Variants in KIFC2 observed in about 807,000 individuals in gnomAD.
KIFC2 encodes kinesin-like protein KIFC2.
In KIFC2, 94 loss-of-function variants were observed where a neutral mutation model predicts 91.5. The observed-to-expected ratio is 1.03, with a 90% confidence interval of 0.87 to 1.22. KIFC2 has a LOEUF of 1.22. KIFC2 is among the 50% of genes most tolerant of loss of function. KIFC2 has a pLI of 0.00. For missense variants in KIFC2, 1,357 were observed against 1,103.3 expected (o/e 1.23, Z -3.26); for synonymous variants, 729 against 503.9 (o/e 1.45, Z -5.98).
Position 144,472,001 on chromosome 8 carries a change from C to T in KIFC2, c.1440C>T (p.Ile480=), listed in dbSNP as rs777089168. ...LSCLRGYSVC[I]FTYGQTGTGK... The stretch of plus-strand genomic sequence containing the variant: ...GCCTCCGAGGCTACAGCGTCTGCAT[C>T]TTCACCTATGGCCAGACAGGCACCG... The change falls in exon 13 of 18, where the codon ATC becomes ATT. Residue 480 remains isoleucine, a synonymous_variant. Transcript: ENST00000645548. 5.0e-6 allele frequency: 8 copies of T among 1,613,468 alleles called. 1 individual carries two copies. In the South Asian group the frequency reaches 8.8e-5, roughly 18 times the overall value.
rs752422159 is a variant in KIFC2, at chr8:144,469,388, G to A, written c.1222+9G>A. On this transcript the variant is annotated intron_variant, in intron 11 of 17. Coordinates refer to ENST00000645548, the MANE Select transcript of KIFC2 (RefSeq NM_001369769.2). ...GCTGCCAGAACTCAAGGGTATGACA[G>A]GCTTGGGAGCCTAGCGGGGCAGGGA... The A allele has an allele frequency of 8.7e-6, 14 of 1,611,914 alleles. No homozygotes were observed. In the African/African-American group the frequency reaches 9.3e-5, roughly 11 times the overall value.
At chr8:144,469,692 C>G (rs1014993871) in intron 12 of KIFC2, 45 bp downstream of exon 12, 1 of 1,534,824 alleles carries the variant, frequency 6.5e-7, no homozygotes. Context: ...TTTCAGAGTT[C>G]CCTGAAGAGC....
At chr8:144,468,215 G>A in intron 7 of KIFC2, 114 bp from the exon 8 acceptor site, 1 of 1,091,978 alleles carries the variant, frequency 9.2e-7, no homozygotes, top group Admixed American at 2.2e-5. Context: ...GTGGAGCTGG[G>A]AGGCATGGGT....
chr8:144,471,871 C>G, intron 12 of KIFC2, 71 bp from the exon 13 acceptor site: 1 of 1,404,008 alleles, frequency 7.1e-7, no homozygotes, highest in Non-Finnish European at 1.0e-6. Flanking sequence ...GTGGCACTCC[C>G]CACCCCACCA....
chr8:144,469,386 C>A lies in KIFC2; in HGVS notation c.1222+7C>A, dbSNP rs765009721. The A allele has an allele frequency of 6.2e-7, 1 of 1,611,552 alleles. No individual in the cohort carries two copies. Among genetic ancestry groups the A allele is most frequent in the Non-Finnish European group, 8.5e-7 (1 of 1,179,212 alleles). On this transcript the variant is annotated splice_region_variant and intron_variant, in intron 11 of 17. Transcript: ENST00000645548. ...CGGCTGCCAGAACTCAAGGGTATGA[C>A]AGGCTTGGGAGCCTAGCGGGGCAGG...
chr8:144,468,708 CA>C lies in KIFC2; in HGVS notation c.1004-16del. On this transcript the variant is annotated splice_polypyrimidine_tract_variant and intron_variant, in intron 9 of 17. Transcript: ENST00000645548. The stretch of plus-strand genomic sequence containing the variant: ...CTGGAGGCTGGGCCTTCCCTTCCAA[CA>C]GACTTCCCTCTCCAGGACTTCGGGC... 6.2e-7 allele frequency: 1 copy of C among 1,613,878 alleles called. No individual in the cohort carries two copies. Among genetic ancestry groups the C allele is most frequent in the South Asian group, 1.1e-5 (1 of 91,080 alleles).
In KIFC2 at chr8:144,468,392, G is replaced by A; in HGVS notation, c.874G>A (p.Ala292Thr). The change falls in exon 8 of 18, where the codon GCC becomes ACC. Residue 292 changes from alanine (A) to threonine (T), a missense_variant. Ala to Thr is a moderately conservative substitution (Grantham distance 58). Coordinates refer to ENST00000645548, the MANE Select transcript of KIFC2 (RefSeq NM_001369769.2). ...RLQEAQDTTE[A>T]LRAQLGVQEV... ...TCAGGAGGCCCAAGACACCACAGAA[G>A]CCCTCCGAGCCCAGGTGGGCATGGG... The A allele has an allele frequency of 1.2e-6, 2 of 1,612,824 alleles. No homozygotes were observed. Among genetic ancestry groups the A allele is most frequent in the Non-Finnish European group, 1.7e-6 (2 of 1,179,864 alleles).
chr8:144,468,788 C>T lies in KIFC2; in HGVS notation c.1067C>T (p.Thr356Ile). The T allele has an allele frequency of 1.2e-6, 2 of 1,614,054 alleles. No homozygotes were observed. Among genetic ancestry groups the T allele is most frequent in the South Asian group, 1.1e-5 (1 of 91,084 alleles). The change falls in exon 10 of 18, where the codon ACC (threonine) becomes ATC (isoleucine). Residue 356 changes from threonine to isoleucine, a missense_variant. Physicochemically the swap from Thr to Ile is moderately conservative, Grantham distance 89. Transcript: ENST00000645548. ...GCGDLRGLVS[T>I]FTQSCQGSLS... ...GGGGACCTCCGAGGTTTGGTCAGCA[C>T]CTTTACCCAGAGCTGTCAGGGTTCG... is the stretch of plus-strand genomic sequence containing the variant.
rs147551167 is a variant in KIFC2, at chr8:144,472,179, G to A, written c.1527G>A (p.Gln509=). 9 of 1,613,210 alleles carry A rather than the reference G, an allele frequency of 5.6e-6. No individual in the cohort carries two copies. Among genetic ancestry groups the A allele is most frequent in the Non-Finnish European group, 6.8e-6 (8 of 1,180,014 alleles). Residue 509 remains glutamine, a synonymous_variant, in exon 14 of 18, where the codon CAG becomes CAA. Coordinates refer to ENST00000645548, the MANE Select transcript of KIFC2 (RefSeq NM_001369769.2). ...EDPGIVPRAL[Q]SLFREMGAGR... is the part of the protein sequence containing the mutation. ...CCGGCATAGTTCCTAGGGCGCTGCA[G>A]TCGCTGTTCCGGGAGATGGGGGCCG...
At position 144,471,926 on chromosome 8, in the gene KIFC2, CT is replaced by C. The variant is rs1564749674; in HGVS notation, c.1381-15del. ...ACGTGGGGAGGACTCAAAACACATT[CT>C]CCCGCCTCCCGCAGGTCTTCAGAGA... On this transcript the variant is annotated splice_polypyrimidine_tract_variant and intron_variant, in intron 12 of 17. Transcript: ENST00000645548. 1 of 1,611,464 alleles carries C rather than the reference CT, an allele frequency of 6.2e-7. No individual in the cohort carries two copies. The highest frequency in any genetic ancestry group is 8.5e-7 in the Non-Finnish European group (1 of 1,178,578).
At position 144,472,278 on chromosome 8, in the gene KIFC2, G is replaced by A. The variant is rs1333312473; in HGVS notation, c.1607+19G>A. 1 of 1,613,352 alleles carries A rather than the reference G, an allele frequency of 6.2e-7. No homozygotes were observed. The highest frequency in any genetic ancestry group is 8.5e-7 in the Non-Finnish European group (1 of 1,179,992). On this transcript the variant is annotated intron_variant, in intron 14 of 17. Transcript: ENST00000645548. The stretch of plus-strand genomic sequence containing the variant: ...CTGTCAGGTGGGCTACTCCACCAGG[G>A]AGGCCTTCTCCCCACCCCTGGCCCA...
rs1429891244 is a variant in KIFC2 at position 144,473,194 on chromosome 8, G to A, written c.2181G>A (p.Val727=). The A allele has an allele frequency of 1.3e-6, 2 of 1,583,910 alleles. No individual in the cohort carries two copies. Among genetic ancestry groups the A allele is most frequent in the Non-Finnish European group, 1.7e-6 (2 of 1,165,954 alleles). Reference sequence around the variant, plus strand: ...GCTCCCTCAAGTTCGCCGACCGAGTGGGTCAAGTGGAGCTGGGGCCAGCCC... The same window carrying A: ...GCTCCCTCAAGTTCGCCGACCGAGTAGGTCAAGTGGAGCTGGGGCCAGCCC... ...TVCSLKFADR[V]GQVELGPARR... Residue 727 remains valine, a synonymous_variant, in exon 18 of 18, where the codon GTG becomes GTA. Transcript: ENST00000645548.
chr8:144,466,802 G>A lies in KIFC2; in HGVS notation c.142G>A (p.Ala48Thr), dbSNP rs1183035214. Residue 48 changes from alanine (A) to threonine (T), a missense_variant, in exon 2 of 18, where the codon GCG (alanine) becomes ACG (threonine). By Grantham distance (58) the Ala-to-Thr change is moderately conservative. Transcript: ENST00000645548. ...GGGTCGCCGGCGCCCAGACCTGCCC[G>A]CGCCAGAGCTGTGGACCGAGCTGAC... Reference protein sequence around the residue: ...PRGRRRPDLPAPELWTELTGL... With the variant: ...PRGRRRPDLPTPELWTELTGL... 3 of 1,536,632 alleles carry A rather than the reference G, an allele frequency of 2.0e-6. No homozygotes were observed. The highest frequency in any genetic ancestry group is 1.2e-5 in the South Asian group (1 of 84,292).
chr8:144,466,340 A>C lies in KIFC2; in HGVS notation c.-80A>C. 4.6e-6 allele frequency: 2 copies of C among 438,666 alleles called. No homozygotes were observed. The highest frequency in any genetic ancestry group is 6.7e-6 in the Non-Finnish European group (2 of 300,214). The allele number at this position is 438,666 out of a possible 1,614,324, so 27.2% of individuals were successfully genotyped here. A position where few individuals can be genotyped will look rare whatever the true frequency, so the allele number is the denominator to read the frequency against. On this transcript the variant is annotated 5_prime_UTR_variant, in exon 1 of 18. Coordinates refer to ENST00000645548, the MANE Select transcript of KIFC2 (RefSeq NM_001369769.2). ...GGCCGTCGCGAGCATGCGCACCGGC[A>C]CTGCGGCGGGCGGGCGCCGAGTCTG... is the stretch of plus-strand genomic sequence containing the variant.
In KIFC2 at chr8:144,466,849, G is replaced by A; in HGVS notation, c.178+11G>A. 3 of 1,536,734 alleles carry A rather than the reference G, an allele frequency of 2.0e-6. No homozygotes were observed. Among genetic ancestry groups the A allele is most frequent in the Admixed American group, 1.9e-5 (1 of 51,424 alleles). ...TGACCGGCCTGGCCGGTAGGTGCGG[G>A]CTGGGAGTCCCGCGGTGCGAGGGCG... is the stretch of plus-strand genomic sequence containing the variant. On this transcript the variant is annotated intron_variant, in intron 2 of 17. Transcript: ENST00000645548.
intron 14 of KIFC2, 37 bp downstream of exon 14, chr8:144,472,296 C>T: frequency 3.1e-6 from 5 of 1,613,472 alleles, no homozygotes; most frequent in Non-Finnish European, 4.2e-6. Flanking sequence ...CTCCCCACCC[C>T]TGGCCCAGGG....
chr8:144,467,267 G>T lies in KIFC2; in HGVS notation c.395G>T (p.Arg132Leu), dbSNP rs756190794. ...SQLLALLAWLRSPRGRQALLQ... is the reference protein window; with the variant it reads ...SQLLALLAWLLSPRGRQALLQ... The stretch of plus-strand genomic sequence containing the variant: ...CTCTTGGCCCTTCTGGCATGGCTTC[G>T]AAGCCCCAGGGGGAGGCAGGCCCTG... The change falls in exon 4 of 18, where the codon CGA becomes CTA. Residue 132 changes from arginine to leucine, a missense_variant. Arg to Leu is a moderately radical substitution (Grantham distance 102). Transcript: ENST00000645548. The T allele has an allele frequency of 1.2e-6, 2 of 1,613,512 alleles. No individual in the cohort carries two copies. Among genetic ancestry groups the T allele is most frequent in the Non-Finnish European group, 1.7e-6 (2 of 1,180,018 alleles).
At chr8:144,468,981 C>T (rs1824812717) in intron 10 of KIFC2, 147 bp downstream of exon 10, 6 of 667,168 alleles carry the variant, frequency 9.0e-6, no homozygotes, top group Admixed American at 5.8e-5. Context: ...TGGGATTCCA[C>T]TTCTGGGCCT....
At position 144,466,505 on chromosome 8, in the gene KIFC2, G is replaced by C; in HGVS notation, c.86G>C (p.Gly29Ala). 1 of 1,301,680 alleles carries C rather than the reference G, an allele frequency of 7.7e-7. No individual in the cohort carries two copies. Among genetic ancestry groups the C allele is most frequent in the Non-Finnish European group, 9.8e-7 (1 of 1,018,012 alleles). The allele number at this position is 1,301,680 out of a possible 1,614,324, so 80.6% of individuals were successfully genotyped here. ...DGGAAAAAEP[G>A]DPAQRARKPR... is the part of the protein sequence containing the mutation. ...GGCGCCGCGGCGGCCGCGGAGCCCG[G>C]GGACCCCGCCCAGGTGAGCGGGGCT... Residue 29 changes from glycine (G) to alanine (A), a missense_variant, in exon 1 of 18, where the codon GGG (glycine) becomes GCG (alanine). Transcript: ENST00000645548.
Sources: gnomAD v4.1 joint callset for allele counts on GRCh38, gnomAD v4.1.1 for gene constraint, MANE v1.5 for transcripts, NCBI Gene and HGNC (gene_info 2026-07-23, HGNC 2026-07-21) for gene names.